The following MSRA variants were observed in gnomAD, a reference collection of about 807,000 sequenced individuals.
MSRA encodes mitochondrial peptide methionine sulfoxide reductase.
Under a neutral mutation model 31.3 loss-of-function variants are expected in MSRA, and 54 were observed. The ratio of observed to expected loss-of-function variants is 1.73; its 90% CI spans 1.39 to 2.17. The LOEUF (loss-of-function observed/expected upper bound fraction) is 2.17, where lower values mean the gene tolerates loss of function less well. Ranked by LOEUF, MSRA falls within the 30% of genes most tolerant of loss-of-function variation. The pLI, the probability that MSRA is intolerant of heterozygous loss-of-function variation, is 0.00. For missense variants in MSRA, 507 were observed against 300.9 expected (o/e 1.69, Z -5.07); for synonymous variants, 169 against 116.5 (o/e 1.45, Z -2.90).
At chr8:10,172,289 C>T (rs1317558374) in intron 1 of MSRA, among the ~76,000 whole-genome samples, 1 of 152,078 alleles carries the variant, frequency 6.6e-6, no homozygotes, top group Non-Finnish European at 1.5e-5. Flanking sequence ...CAAAGGAATG[C>T]CATTTAGGAG....
intron 1 of MSRA, among the ~76,000 whole-genome samples, chr8:10,135,532 A>G (rs183946087): frequency 6.6e-6 from 1 of 152,316 alleles, no homozygotes; most frequent in Non-Finnish European, 1.5e-5. Flanking sequence ...GCCAGGTATT[A>G]TATTAGGTAT....
intron 1 of MSRA, among the ~76,000 whole-genome samples, chr8:10,113,289 C>CTTTTTTTTTTTTG (rs1467440154): frequency 2.0e-5 from 1 of 50,898 alleles, no homozygotes; most frequent in Non-Finnish European, 3.2e-5. Context: ...GAAGACAGGT[C>CTTTTTTTTTTTTG]TTCTTTTTTT....
At chr8:10,067,661 C>A (rs910682498) in intron 1 of MSRA, among the ~76,000 whole-genome samples, 1 of 152,162 alleles carries the variant, frequency 6.6e-6, no homozygotes, top group Non-Finnish European at 1.5e-5. Flanking sequence ...TCCTCTTGCT[C>A]CACATCCTTC....
At chr8:10,329,069 G>A (rs1802542051) in intron 5 of MSRA, among the ~76,000 whole-genome samples, 1 of 152,180 alleles carries the variant, frequency 6.6e-6, no homozygotes, top group Non-Finnish European at 1.5e-5. Context: ...ACATTATTTG[G>A]TAGGATTAAG....
At chr8:10,092,985 G>C (rs1024958790) in intron 1 of MSRA, among the ~76,000 whole-genome samples, 28 of 152,190 alleles carry the variant, frequency 1.8e-4, no homozygotes, top group Non-Finnish European at 3.5e-4. Context: ...TGTTTTGCTT[G>C]TTAGTATAAC....
intron 3 of MSRA, among the ~76,000 whole-genome samples, chr8:10,272,467 C>G (rs1034776144): frequency 6.6e-6 from 1 of 152,204 alleles, no homozygotes; most frequent in South Asian, 2.1e-4. Context: ...GTCCTTTCTA[C>G]TCAAGTGTTT....
At chr8:10,192,610 G>A (rs1007197015) in intron 1 of MSRA, among the ~76,000 whole-genome samples, 18 of 152,334 alleles carry the variant, frequency 1.2e-4, no homozygotes, top group African/African-American at 4.3e-4. Context: ...GGAGATTTCT[G>A]TCTATAGTTA....
At chr8:10,213,143 A>G (rs1308630884) in intron 2 of MSRA, among the ~76,000 whole-genome samples, 1 of 152,002 alleles carries the variant, frequency 6.6e-6, no homozygotes. Context: ...ATTCTTTCTC[A>G]CTATTATATT....
At chr8:10,208,038 C>G (rs1809154603) in intron 2 of MSRA, 137 bp downstream of exon 2, 2 of 609,018 alleles carry the variant, frequency 3.3e-6, no homozygotes, top group African/African-American at 1.9e-5. Context: ...GCCAAGAAAA[C>G]TATTGAGTTC....
chr8:10,263,325 G>A (rs556181213), intron 3 of MSRA, among the ~76,000 whole-genome samples: 1 of 152,124 alleles, frequency 6.6e-6, no homozygotes, highest in South Asian at 2.1e-4. Flanking sequence ...TTCATCACCT[G>A]TAGACAGTCA....
At chr8:10,368,342 A>T (rs142247643) in intron 5 of MSRA, among the ~76,000 whole-genome samples, 1 of 152,270 alleles carries the variant, frequency 6.6e-6, no homozygotes. Context: ...ATGAAACAAA[A>T]CACGAATAAG....
At chr8:10,381,932 A>G (rs967584487) in intron 5 of MSRA, among the ~76,000 whole-genome samples, 1 of 152,216 alleles carries the variant, frequency 6.6e-6, no homozygotes, top group African/African-American at 2.4e-5. Context: ...GAGGCATGTC[A>G]AGAGCAGACT....
intron 1 of MSRA, among the ~76,000 whole-genome samples, chr8:10,158,607 A>G (rs1369589543): frequency 6.6e-6 from 1 of 152,170 alleles, no homozygotes; most frequent in African/African-American, 2.4e-5. Flanking sequence ...TTGTATGGAG[A>G]CACCACATTT....
intron 5 of MSRA, among the ~76,000 whole-genome samples, chr8:10,424,813 CTT>C (rs1809035564): frequency 6.6e-6 from 1 of 152,212 alleles, no homozygotes; most frequent in African/African-American, 2.4e-5. Context: ...GCAGTGCACT[CTT>C]TGAAGATCGC....
rs140075437 is a variant in MSRA, at chr8:10,263,367, A to T, written c.331+18144A>T. On this transcript the variant is annotated intron_variant, in intron 3 of 5. Coordinates refer to ENST00000317173, the MANE Select transcript of MSRA (RefSeq NM_012331.5). ...TTGTTCTCAGAGTGCTTCAGTGCTT[A>T]CCATTCATTCTATTAAAGGACTTGA... Among the ~76,000 whole-genome samples, 270 of 152,282 alleles carry T rather than the reference A, an allele frequency of 1.8e-3. 1 individual carries two copies. Among genetic ancestry groups the T allele is most frequent in the African/African-American group, 6.2e-3 (258 of 41,552 alleles).
intron 3 of MSRA, among the ~76,000 whole-genome samples, chr8:10,287,699 G>A (rs1230062525): frequency 2.0e-5 from 3 of 152,286 alleles, no homozygotes; most frequent in East Asian, 1.9e-4. Context: ...GCAAAGGCAC[G>A]TAGTCTAGCT....
At chr8:10,378,424 C>G (rs941483584) in intron 5 of MSRA, among the ~76,000 whole-genome samples, 1 of 152,196 alleles carries the variant, frequency 6.6e-6, no homozygotes, top group Non-Finnish European at 1.5e-5. Flanking sequence ...CCGGCTAATC[C>G]CCTGGTGATA....
chr8:10,160,525 T>G (rs1172962912), intron 1 of MSRA, among the ~76,000 whole-genome samples: 1 of 151,984 alleles, frequency 6.6e-6, no homozygotes, highest in Non-Finnish European at 1.5e-5. Flanking sequence ...TAGATCTCTA[T>G]AGATAGGATG....
chr8:10,212,480 A>G (rs1396664869), intron 2 of MSRA, among the ~76,000 whole-genome samples: 1 of 152,206 alleles, frequency 6.6e-6, no homozygotes, highest in African/African-American at 2.4e-5. Context: ...AATGACATAG[A>G]TTGGATTGTA....
Sources: gnomAD v4.1 joint callset for allele counts (sites outside exome capture counted in the v4.1 genomes callset) on GRCh38, gnomAD v4.1.1 for gene constraint, MANE v1.5 for transcripts, NCBI Gene and HGNC (gene_info 2026-07-23, HGNC 2026-07-21) for gene names.